Variants in AGBL1 observed in about 807,000 individuals in gnomAD.
The protein encoded by AGBL1 is cytosolic carboxypeptidase 4.
Under a neutral mutation model 118.9 loss-of-function variants are expected in AGBL1, and 130 were observed. That is an observed-to-expected ratio of 1.09 (90% CI 0.95 to 1.26). The LOEUF (loss-of-function observed/expected upper bound fraction) is 1.26, where lower values mean the gene tolerates loss of function less well. Ranked by LOEUF, AGBL1 falls within the 50% of genes most tolerant of loss-of-function variation. The pLI is 0.00. For missense variants in AGBL1, 1,584 were observed against 1,298.1 expected (o/e 1.22, Z -3.38); for synonymous variants, 555 against 478.9 (o/e 1.16, Z -2.08).
rs68185029 is a variant in AGBL1, at chr15:86,849,517, C to CTTTT, written c.3159-57558_3159-57555dup. Among the ~76,000 whole-genome samples, 4 of 136,798 alleles carry CTTTT rather than the reference C, an allele frequency of 2.9e-5. 1 individual carries two copies. Among genetic ancestry groups the CTTTT allele is most frequent in the Non-Finnish European group, 4.7e-5 (3 of 64,292 alleles). The allele number at this position is 136,798 out of a possible 152,430, so 89.7% of individuals were successfully genotyped here. A position where few individuals can be genotyped will look rare whatever the true frequency, so the allele number is the denominator to read the frequency against. Reference sequence around the variant, plus strand: ...AGGTGATGGCTTTCTTTCTTTCTTTCTTTTTTTTTTTTTTTGGCTGATCTT... The same window carrying CTTTT: ...AGGTGATGGCTTTCTTTCTTTCTTTCTTTTTTTTTTTTTTTTTTTGGCTGATCTT... On this transcript the variant is annotated intron_variant, in intron 22 of 22. Transcript: ENST00000614907.
chr15:86,541,064 A>T (rs1246090438), intron 19 of AGBL1, among the ~76,000 whole-genome samples: 1 of 152,248 alleles, frequency 6.6e-6, no homozygotes, highest in Admixed American at 6.5e-5. Flanking sequence ...GCTAAGACAC[A>T]GTTTTAATTT....
chr15:86,437,148 G>T (rs763356991), intron 18 of AGBL1, among the ~76,000 whole-genome samples: 3 of 151,956 alleles, frequency 2.0e-5, no homozygotes, highest in African/African-American at 4.8e-5. Context: ...GGACACTGAG[G>T]GTGTGTAAGA....
intron 17 of AGBL1, among the ~76,000 whole-genome samples, chr15:86,319,491 C>T (rs190296784): frequency 5.3e-5 from 8 of 152,070 alleles, no homozygotes; most frequent in South Asian, 2.1e-4. Context: ...TCCCTCCCCC[C>T]ACATTTTGCT....
At chr15:86,519,955 C>T (rs1008551944) in intron 18 of AGBL1, among the ~76,000 whole-genome samples, 1 of 152,162 alleles carries the variant, frequency 6.6e-6, no homozygotes, top group African/African-American at 2.4e-5. Context: ...TATTTCTTTG[C>T]ATTTTTTCTT....
intron 18 of AGBL1, among the ~76,000 whole-genome samples, chr15:86,422,567 G>T (rs900438339): frequency 4.6e-5 from 7 of 152,054 alleles, no homozygotes; most frequent in Non-Finnish European, 7.4e-5. Context: ...AAATTCAAAA[G>T]CTAGCAGAAA....
At chr15:86,682,225 AC>A (rs1358028467) in intron 22 of AGBL1, among the ~76,000 whole-genome samples, 6 of 152,174 alleles carry the variant, frequency 3.9e-5, no homozygotes, top group Admixed American at 2.0e-4. Context: ...GATTATGAGT[AC>A]CATATCCTGC....
chr15:86,210,454 A>G (rs1437037016), intron 5 of AGBL1, among the ~76,000 whole-genome samples: 6 of 152,198 alleles, frequency 3.9e-5, no homozygotes, highest in Non-Finnish European at 5.9e-5. Context: ...AGGTACACCA[A>G]TCAAATGTAT....
At chr15:86,231,122 C>G (rs1191803107) in intron 6 of AGBL1, among the ~76,000 whole-genome samples, 1 of 152,194 alleles carries the variant, frequency 6.6e-6, no homozygotes, top group Non-Finnish European at 1.5e-5. Context: ...ACTAACCATA[C>G]TGTAATTGAT....
chr15:86,789,225 A>C (rs1469912033), intron 22 of AGBL1, among the ~76,000 whole-genome samples: 1 of 152,214 alleles, frequency 6.6e-6, no homozygotes, highest in Non-Finnish European at 1.5e-5. Flanking sequence ...TGGAGTCCCA[A>C]CACTTCCATA....
intron 23 of AGBL1, among the ~76,000 whole-genome samples, chr15:86,986,809 G>C (rs112942129): frequency 6.6e-6 from 1 of 151,948 alleles, no homozygotes; most frequent in East Asian, 1.9e-4. Context: ...GATTTCACTC[G>C]CGTCCATGTG....
At chr15:86,593,898 TTTATC>T (rs1273321021) in intron 21 of AGBL1, among the ~76,000 whole-genome samples, 1 of 152,144 alleles carries the variant, frequency 6.6e-6, no homozygotes, top group Non-Finnish European at 1.5e-5. Flanking sequence ...TTTGAGATTC[TTTATC>T]TTGTGTGACA....
intron 22 of AGBL1, among the ~76,000 whole-genome samples, chr15:86,757,099 A>T (rs564982589): frequency 6.6e-6 from 1 of 151,968 alleles, no homozygotes; most frequent in African/African-American, 2.4e-5. Context: ...CGATTTTCTG[A>T]GTATTTATAA....
Position 86,264,689 on chromosome 15 carries a change from C to G in AGBL1, c.1518C>G (p.Val506=). The G allele has an allele frequency of 1.9e-6, 3 of 1,614,036 alleles. No homozygotes were observed. The highest frequency in any genetic ancestry group is 2.5e-6 in the Non-Finnish European group (3 of 1,179,904). Residue 506 remains valine (V), a synonymous_variant, in exon 11 of 23, where the codon GTC becomes GTG. Coordinates refer to ENST00000614907, the MANE Select transcript of AGBL1 (RefSeq NM_001386094.1). ...TTCTGCAGACACATCTGAAGCGTGT[C>G]CCTTTCCACGATCCCTATCTTTATA... The part of the protein sequence containing the change: ...DKLLQTHLKR[V]PFHDPYLYMA...
chr15:86,307,905 A>G (rs1330899557), intron 17 of AGBL1, among the ~76,000 whole-genome samples: 6 of 152,178 alleles, frequency 3.9e-5, no homozygotes, highest in Admixed American at 2.0e-4. Flanking sequence ...TTTAGTCCCC[A>G]TAACAATTTG....
At chr15:86,094,251 T>C (rs1291417389) in intron 1 of AGBL1, among the ~76,000 whole-genome samples, 1 of 152,180 alleles carries the variant, frequency 6.6e-6, no homozygotes, top group Non-Finnish European at 1.5e-5. Context: ...ATGTTATCTA[T>C]GATAATACTC....
intron 24 of AGBL1, among the ~76,000 whole-genome samples, chr15:87,028,326 G>C (rs1182441398): frequency 6.6e-6 from 1 of 151,870 alleles, no homozygotes; most frequent in Non-Finnish European, 1.5e-5. Flanking sequence ...TTTTGTATCT[G>C]TATCAAAATA....
chr15:86,552,624 A>G (rs1274788802), intron 20 of AGBL1, among the ~76,000 whole-genome samples: 1 of 152,160 alleles, frequency 6.6e-6, no homozygotes, highest in Non-Finnish European at 1.5e-5. Context: ...TTTCCTGTGA[A>G]TAAGACACAG....
In AGBL1 at chr15:86,247,761, C is replaced by T. The variant is rs748263892; in HGVS notation, c.617C>T (p.Ala206Val). Residue 206 changes from alanine to valine, a missense_variant, in exon 7 of 23, where the codon GCC (alanine) becomes GTC (valine). Ala to Val is a moderately conservative substitution (Grantham distance 64). Transcript: ENST00000614907. The part of the protein sequence containing the change: ...QDWHSHDTAN[A>V]YVQIRRGLLL... Reference sequence around the variant, plus strand: ...TGGCACAGCCATGACACAGCCAACGCCTACGTGCAGATCCGACGGGGCTTG... The same window carrying T: ...TGGCACAGCCATGACACAGCCAACGTCTACGTGCAGATCCGACGGGGCTTG... 5.0e-6 allele frequency: 8 copies of T among 1,613,836 alleles called. No individual in the cohort carries two copies. In the African/African-American group the frequency reaches 8.0e-5, roughly 16 times the overall value.
chr15:86,314,962 C>T (rs182360013), intron 17 of AGBL1, among the ~76,000 whole-genome samples: 5 of 152,286 alleles, frequency 3.3e-5, no homozygotes, highest in East Asian at 3.9e-4. Flanking sequence ...GTCTAAGCTT[C>T]GGGTTCCTTA....
Sources: gnomAD v4.1 joint callset for allele counts (sites outside exome capture counted in the v4.1 genomes callset) on GRCh38, gnomAD v4.1.1 for gene constraint, MANE v1.5 for transcripts, NCBI Gene and HGNC (gene_info 2026-07-23, HGNC 2026-07-21) for gene names.